The following MAP2K3 variants were observed in gnomAD, a reference collection of about 807,000 sequenced individuals.
MAP2K3 encodes dual specificity mitogen-activated protein kinase kinase 3.
A neutral mutation model predicts 46.4 loss-of-function variants in MAP2K3; 30 were observed. The ratio of observed to expected loss-of-function variants is 0.65; its 90% CI spans 0.48 to 0.88. The LOEUF (loss-of-function observed/expected upper bound fraction) is 0.88. Ranked by LOEUF, MAP2K3 falls within the 40% of genes least tolerant of loss-of-function variation. The pLI is 0.00. For synonymous variants in MAP2K3, 189 were observed against 176.3 expected (o/e 1.07, Z -0.57); for missense variants, 380 against 464.5 (o/e 0.82, Z 1.67).
intron 1 of MAP2K3, among the ~76,000 whole-genome samples, chr17:21,289,070 A>C (rs1475014851): frequency 6.6e-6 from 1 of 152,192 alleles, no homozygotes; most frequent in Non-Finnish European, 1.5e-5. Flanking sequence ...TAGGTGGATA[A>C]ACAGTAGCAG....
In MAP2K3 at chr17:21,284,822, G is replaced by T; in HGVS notation, c.-99G>T. 2.2e-6 allele frequency: 3 copies of T among 1,392,764 alleles called. No homozygotes were observed. Among genetic ancestry groups the T allele is most frequent in the South Asian group, 1.3e-5 (1 of 76,188 alleles). The allele number at this position is 1,392,764 out of a possible 1,614,324, so 86.3% of individuals were successfully genotyped here. A position where few individuals can be genotyped will look rare whatever the true frequency, so the allele number is the denominator to read the frequency against. On this transcript the variant is annotated 5_prime_UTR_variant, in exon 1 of 12. Transcript: ENST00000342679. ...GCCGCCGCCGCTGCTCCTCCGCCTG[G>T]CCTGGGCCGTCTGCCCGCAGCCATG...
In MAP2K3 at chr17:21,298,902, G is replaced by A. The variant is rs1477630333; in HGVS notation, c.141G>A (p.Arg47=). The A allele has an allele frequency of 6.2e-7, 1 of 1,614,306 alleles. No homozygotes were observed. The highest frequency in any genetic ancestry group is 1.1e-5 in the South Asian group (1 of 91,082). ...NPTPPRNLDS[R]TFITIGDRNF... ...GACCCCCCCGGAACCTGGACTCCCG[G>A]ACCTTCATCACCATTGGAGACAGAG... Residue 47 remains arginine, a synonymous_variant, in exon 3 of 12, where the codon CGG becomes CGA. Transcript: ENST00000342679.
At chr17:21,296,202 G>A (rs1320463882) in intron 1 of MAP2K3, 15 of 1,288,962 alleles carry the variant, frequency 1.2e-5, no homozygotes, top group Non-Finnish European at 1.5e-5. Context: ...GCAGCACTGT[G>A]CGGGGCAGGT....
chr17:21,289,947 G>A (rs539937418), intron 1 of MAP2K3, among the ~76,000 whole-genome samples: 105 of 152,132 alleles, frequency 6.9e-4, no homozygotes, highest in Non-Finnish European at 1.1e-3. Context: ...CAGGGTGGCC[G>A]GCACCACCTC....
intron 1 of MAP2K3, among the ~76,000 whole-genome samples, chr17:21,294,254 G>A (rs936310801): frequency 5.3e-5 from 8 of 152,174 alleles, no homozygotes; most frequent in Middle Eastern, 3.4e-3. Flanking sequence ...TCCCTGGCAG[G>A]CCCAGAACTT....
At chr17:21,295,441 GGGTTGCCA>G (rs1369358203) in intron 1 of MAP2K3, among the ~76,000 whole-genome samples, 1 of 152,308 alleles carries the variant, frequency 6.6e-6, no homozygotes, top group African/African-American at 2.4e-5. Flanking sequence ...GGCTTATCGT[GGGTTGCCA>G]GTGGCCGCCG....
At chr17:21,300,371 C>G in intron 3 of MAP2K3, 174 bp from the exon 4 acceptor site, 1 of 677,414 alleles carries the variant, frequency 1.5e-6, no homozygotes. Context: ...TCGTGAGGCT[C>G]AGAGAGGTTA....
At chr17:21,298,547 A>G in intron 2 of MAP2K3, 68 bp downstream of exon 2, 1 of 1,613,152 alleles carries the variant, frequency 6.2e-7, no homozygotes, top group East Asian at 2.2e-5. Flanking sequence ...CAATGGAAGG[A>G]GTGAGAGGCA....
intron 1 of MAP2K3, among the ~76,000 whole-genome samples, chr17:21,286,191 A>G (rs1334277460): frequency 6.6e-6 from 1 of 152,248 alleles, no homozygotes; most frequent in East Asian, 1.9e-4. Flanking sequence ...CACCTGGCGC[A>G]GAGCCGGTGC....
In MAP2K3 at chr17:21,284,939, A is replaced by G; in HGVS notation, c.19A>G (p.Ser7Gly). The change falls in exon 1 of 12, where the codon AGC becomes GGC. Residue 7 changes from serine to glycine, a missense_variant. By Grantham distance (56) the Ser-to-Gly change is moderately conservative. Around this residue, in one of 5 missense-constraint regions of MAP2K3, gnomAD observed 294 missense variants for 275.4 expected, o/e 1.07. Coordinates refer to ENST00000342679, the MANE Select transcript of MAP2K3 (RefSeq NM_145109.3). MESPASSQPASMPQSKG... is the reference protein window; with the variant it reads MESPASGQPASMPQSKG... ...TTGCAGCATGGAGTCGCCCGCCTCG[A>G]GCCAGCCCGCCAGCATGCCCCAGTC... is the stretch of plus-strand genomic sequence containing the variant. 1 of 1,612,218 alleles carries G rather than the reference A, an allele frequency of 6.2e-7. No homozygotes were observed. Among genetic ancestry groups the G allele is most frequent in the Non-Finnish European group, 8.5e-7 (1 of 1,179,666 alleles).
At chr17:21,288,586 C>T (rs1260526358) in intron 1 of MAP2K3, among the ~76,000 whole-genome samples, 6 of 152,222 alleles carry the variant, frequency 3.9e-5, no homozygotes, top group Admixed American at 1.3e-4. Flanking sequence ...TGCGATGTGA[C>T]GTGGGACAAG....
rs113429381 is a variant in MAP2K3 at position 21,312,918 on chromosome 17, C to CAAAAA, written c.915-563_915-559dup. Among the ~76,000 whole-genome samples the CAAAAA allele has an allele frequency of 8.3e-5, 10 of 119,858 alleles. 1 individual carries two copies. The highest frequency in any genetic ancestry group is 5.6e-4 in the South Asian group (2 of 3,576). 78.6% of individuals were successfully genotyped at this position (119,858 alleles called of 152,430 possible). A position where few individuals can be genotyped will look rare whatever the true frequency, so the allele number is the denominator to read the frequency against. On this transcript the variant is annotated intron_variant, in intron 10 of 11. Transcript: ENST00000342679. ...CATGGGTGACAGAGTGAGACTGTCTCAAAAAAAAAAAAAAATCATGTTTGA... is the reference window on the plus strand; with the variant it reads ...CATGGGTGACAGAGTGAGACTGTCTCAAAAAAAAAAAAAAAAAAAATCATGTTTGA...
At chr17:21,300,128 A>G (rs12453705) in intron 3 of MAP2K3, among the ~76,000 whole-genome samples, 2 of 152,306 alleles carry the variant, frequency 1.3e-5, no homozygotes, top group Admixed American at 1.3e-4. Flanking sequence ...AACATCTGTG[A>G]AGGCAATACT....
At chr17:21,293,592 A>G (rs1282102066) in intron 1 of MAP2K3, among the ~76,000 whole-genome samples, 3 of 152,310 alleles carry the variant, frequency 2.0e-5, no homozygotes, top group Non-Finnish European at 4.4e-5. Flanking sequence ...CGTTCTCTGC[A>G]GGTGAGGAAG....
chr17:21,291,534 G>A (rs1393386143), intron 1 of MAP2K3: 22 of 456,370 alleles, frequency 4.8e-5, no homozygotes, highest in African/African-American at 8.0e-5. Context: ...CACAGCCTAC[G>A]ATCCTGGTGC....
At chr17:21,291,468 G>A (rs1167237756) in intron 1 of MAP2K3, 2 of 456,492 alleles carry the variant, frequency 4.4e-6, no homozygotes, top group Admixed American at 4.7e-5. Context: ...GACAGTGCAG[G>A]TGGCTGGCAA....
At chr17:21,291,014 G>A (rs371209910) in intron 1 of MAP2K3, among the ~76,000 whole-genome samples, 74 of 152,400 alleles carry the variant, frequency 4.9e-4, no homozygotes, top group African/African-American at 1.6e-3. Flanking sequence ...AGGCCGAGGC[G>A]GGTGGATCAT....
intron 9 of MAP2K3, among the ~76,000 whole-genome samples, 199 bp downstream of exon 9, chr17:21,305,327 C>T (rs1352753255): frequency 4.6e-5 from 7 of 152,404 alleles, no homozygotes; most frequent in African/African-American, 1.7e-4. Flanking sequence ...GGTCACTCAT[C>T]GTGAAGTCCT....
intron 1 of MAP2K3, chr17:21,296,151 C>G: frequency 1.6e-6 from 2 of 1,289,642 alleles, no homozygotes; most frequent in South Asian, 1.2e-5. Context: ...CGCAGTGAAC[C>G]CTGTGCTGAG....
Sources: allele counts gnomAD v4.1 joint callset (sites outside exome capture counted in the v4.1 genomes callset), GRCh38; gene constraint gnomAD v4.1.1; regional missense constraint gnomAD v4.1.1; transcripts MANE v1.5; gene names NCBI Gene and HGNC (gene_info 2026-07-23, HGNC 2026-07-21).